The following HIPK3 variants were observed in gnomAD, a reference collection of about 807,000 sequenced individuals.
HIPK3 encodes the protein homeodomain interacting protein kinase 3.
A neutral mutation model predicts 124.2 loss-of-function variants in HIPK3; 47 were observed. The observed-to-expected ratio is 0.38, with a 90% CI of 0.30 to 0.48. HIPK3 has a LOEUF of 0.48. HIPK3 is among the 20% of genes least tolerant of loss of function. The pLI is 0.98. For missense variants in HIPK3, 1,286 were observed against 1,454.3 expected, an observed-to-expected ratio of 0.88 and a Z score of 1.88; for synonymous variants, 482 against 515.2, an observed-to-expected ratio of 0.94 and a Z score of 0.87.
chr11:33,265,457 G>A (rs1356445209), intron 1 of HIPK3, among the ~76,000 whole-genome samples: 1 of 152,172 alleles, frequency 6.6e-6, no homozygotes, highest in East Asian at 1.9e-4. Context: ...GACGGGTAAT[G>A]ATAAAATATT....
chr11:33,268,965 G>GT (rs1343006746), intron 1 of HIPK3, among the ~76,000 whole-genome samples: 1 of 152,062 alleles, frequency 6.6e-6, no homozygotes, highest in Non-Finnish European at 1.5e-5. Flanking sequence ...ATATGAAATC[G>GT]TATCTGAACT....
At chr11:33,274,753 A>T (rs1851227774) in intron 1 of HIPK3, among the ~76,000 whole-genome samples, 1 of 152,116 alleles carries the variant, frequency 6.6e-6, no homozygotes, top group East Asian at 1.9e-4. Context: ...TAGCCTTGTT[A>T]AAGATTTGTA....
At chr11:33,271,037 A>T (rs1022878745) in intron 1 of HIPK3, among the ~76,000 whole-genome samples, 3 of 152,140 alleles carry the variant, frequency 2.0e-5, no homozygotes, top group African/African-American at 7.2e-5. Context: ...ATGGCAAAAT[A>T]CTTTAAGTTT....
chr11:33,274,071 A>C (rs2133881644), intron 1 of HIPK3, among the ~76,000 whole-genome samples: 1 of 152,320 alleles, frequency 6.6e-6, no homozygotes, highest in Middle Eastern at 3.4e-3. Flanking sequence ...GAAAAGTTTT[A>C]TAGAACCTGA....
At chr11:33,288,267 A>G (rs889243773) in intron 2 of HIPK3, among the ~76,000 whole-genome samples, 2 of 152,162 alleles carry the variant, frequency 1.3e-5, no homozygotes, top group South Asian at 2.1e-4. Context: ...AGCCTGGCCA[A>G]CATGGCGAAA....
At chr11:33,347,223 T>G in intron 8 of HIPK3, 70 bp from the exon 9 acceptor site, 1 of 1,438,104 alleles carries the variant, frequency 7.0e-7, no homozygotes, top group East Asian at 2.5e-5. Flanking sequence ...TTCTTGACAT[T>G]TAAAATAATT....
chr11:33,299,850 C>A (rs570971019), intron 2 of HIPK3, among the ~76,000 whole-genome samples: 1 of 151,648 alleles, frequency 6.6e-6, no homozygotes, highest in Non-Finnish European at 1.5e-5. Flanking sequence ...GTGGTGGGAC[C>A]TCATCTCTAC....
chr11:33,331,297 G>C (rs1714562828), intron 3 of HIPK3, among the ~76,000 whole-genome samples: 2 of 152,210 alleles, frequency 1.3e-5, no homozygotes, highest in Non-Finnish European at 2.9e-5. Context: ...AGGGCCACCA[G>C]TAGGGTATGT....
chr11:33,320,490 A>T (rs1852631995), intron 2 of HIPK3, among the ~76,000 whole-genome samples: 1 of 152,190 alleles, frequency 6.6e-6, no homozygotes, highest in Non-Finnish European at 1.5e-5. Context: ...TAAATGGATC[A>T]CTCAGACTGC....
At chr11:33,281,814 G>C (rs1274337015) in intron 1 of HIPK3, among the ~76,000 whole-genome samples, 2 of 151,938 alleles carry the variant, frequency 1.3e-5, no homozygotes, top group Non-Finnish European at 2.9e-5. Context: ...TTTTTAAATT[G>C]GTCCATGTGT....
chr11:33,314,003 T>C (rs1490115914), intron 2 of HIPK3, among the ~76,000 whole-genome samples: 1 of 151,990 alleles, frequency 6.6e-6, no homozygotes, highest in African/African-American at 2.4e-5. Flanking sequence ...TGATGTTGCT[T>C]GTATAGATGG....
In HIPK3 at chr11:33,258,477, G is replaced by A. The variant is rs1030522600; in HGVS notation, c.-3+588G>A. On this transcript the variant is annotated intron_variant, in intron 1 of 16. Coordinates refer to ENST00000303296, the MANE Select transcript of HIPK3 (RefSeq NM_005734.5). ...ACTCTGGGGACGTGCGTGCGTGTGT[G>A]TGATTGTTGGGGAGGAGAAATGTGA... The A allele has an allele frequency of 5.1e-6, 5 of 985,312 alleles. No homozygotes were observed. In the African/African-American group the frequency reaches 5.2e-5, roughly 10 times the overall value. The allele number at this position is 985,312 out of a possible 1,614,324, so 61.0% of individuals were successfully genotyped here.
At chr11:33,351,522 C>G in intron 14 of HIPK3, 86 bp from the exon 15 acceptor site, 1 of 831,866 alleles carries the variant, frequency 1.2e-6, no homozygotes, top group East Asian at 2.5e-5. Flanking sequence ...ATGTTCTCAT[C>G]AGTTCACTGG....
At chr11:33,328,791 T>C (rs1435439921) in intron 3 of HIPK3, among the ~76,000 whole-genome samples, 158 bp downstream of exon 3, 1 of 152,180 alleles carries the variant, frequency 6.6e-6, no homozygotes, top group Non-Finnish European at 1.5e-5. Flanking sequence ...GAAAACTGTT[T>C]TATAATGCTG....
chr11:33,337,068 T>G lies in HIPK3; in HGVS notation c.1222-7T>G. The G allele has an allele frequency of 6.3e-7, 1 of 1,590,754 alleles. No individual in the cohort carries two copies. The highest frequency in any genetic ancestry group is 8.6e-7 in the Non-Finnish European group (1 of 1,165,694). ...TAAACTATTCTGTTCTGTAAATTAT[T>G]TTTCAGATTCGATACATTTCTCAGA... On this transcript the variant is annotated splice_region_variant and splice_polypyrimidine_tract_variant and intron_variant, in intron 3 of 16. Transcript: ENST00000303296.
chr11:33,339,192 G>C (rs985960601), intron 5 of HIPK3, among the ~76,000 whole-genome samples, 158 bp from the exon 6 acceptor site: 3 of 152,052 alleles, frequency 2.0e-5, no homozygotes, highest in African/African-American at 7.2e-5. Context: ...CACATTTTGA[G>C]GATTTGTTAA....
chr11:33,272,560 C>A (rs1316012825), intron 1 of HIPK3, among the ~76,000 whole-genome samples: 1 of 152,072 alleles, frequency 6.6e-6, no homozygotes, highest in Admixed American at 6.6e-5. Context: ...TGCTGTATCA[C>A]CTTCCTCAAA....
At chr11:33,281,329 A>C (rs940042110) in intron 1 of HIPK3, among the ~76,000 whole-genome samples, 1 of 152,166 alleles carries the variant, frequency 6.6e-6, no homozygotes, top group African/African-American at 2.4e-5. Flanking sequence ...AGTAGACAGG[A>C]TAGCATAATG....
intron 2 of HIPK3, among the ~76,000 whole-genome samples, chr11:33,322,248 C>G (rs1852686587): frequency 6.6e-6 from 1 of 152,092 alleles, no homozygotes; most frequent in Admixed American, 6.5e-5. Context: ...ATCTGCCTGC[C>G]TCGGCCTCCC....
Sources: allele counts gnomAD v4.1 joint callset (sites outside exome capture counted in the v4.1 genomes callset), GRCh38; gene constraint gnomAD v4.1.1; transcripts MANE v1.5; gene names NCBI Gene and HGNC (gene_info 2026-07-23, HGNC 2026-07-21).